Variants in EYS observed in about 807,000 individuals in gnomAD.
EYS encodes the protein EGF-like photoreceptor maintenance factor.
EYS carries 250 observed loss-of-function variants against 282.1 expected under a neutral mutation model. The ratio of observed to expected loss-of-function variants is 0.89; its 90% CI spans 0.80 to 0.98. The LOEUF is 0.98. Ranked by LOEUF, EYS falls within the 50% of genes least tolerant of loss-of-function variation. The probability of loss-of-function intolerance (pLI) is 0.00; values close to 1 mark genes in which losing one functional copy is unlikely to be tolerated. For missense variants in EYS, 4,016 were observed against 3,709.0 expected, an observed-to-expected ratio of 1.08 and a Z score of -2.15; for synonymous variants, 1,355 against 1,282.9, an observed-to-expected ratio of 1.06 and a Z score of -1.20.
At chr6:64,117,733 A>G (rs1365346998) in intron 31 of EYS, among the ~76,000 whole-genome samples, 1 of 151,986 alleles carries the variant, frequency 6.6e-6, no homozygotes, top group Non-Finnish European at 1.5e-5. Context: ...AATAAAGGGT[A>G]TACAAATTGG....
intron 26 of EYS, among the ~76,000 whole-genome samples, chr6:64,582,584 CTTT>C (rs34078680): frequency 4.3e-5 from 6 of 139,614 alleles, no homozygotes; most frequent in Non-Finnish European, 3.1e-5. Context: ...AATCCTTGGT[CTTT>C]TTTTTTTTTT....
At chr6:64,056,796 G>T (rs1562177910) in intron 33 of EYS, among the ~76,000 whole-genome samples, 1 of 152,182 alleles carries the variant, frequency 6.6e-6, no homozygotes, top group Non-Finnish European at 1.5e-5. Flanking sequence ...CAGCCCCTAT[G>T]TAGATCAGCA....
At chr6:65,467,560 G>A in intron 5 of EYS, among the ~76,000 whole-genome samples, 1 of 151,596 alleles carries the variant, frequency 6.6e-6, no homozygotes, top group East Asian at 1.9e-4. Flanking sequence ...ACCCATATGA[G>A]AGAAACTATC....
chr6:64,458,920 G>T (rs1362993457), intron 26 of EYS, among the ~76,000 whole-genome samples: 1 of 152,066 alleles, frequency 6.6e-6, no homozygotes, highest in East Asian at 1.9e-4. Flanking sequence ...TGAACAGACT[G>T]TTCATTATGT....
chr6:64,598,256 C>A (rs937851201), intron 24 of EYS, among the ~76,000 whole-genome samples: 4 of 152,116 alleles, frequency 2.6e-5, no homozygotes, highest in African/African-American at 9.7e-5. Context: ...GTCAGGAGAT[C>A]GAGACCATCC....
intron 22 of EYS, among the ~76,000 whole-genome samples, chr6:64,662,440 A>G (rs1562120078): frequency 6.6e-6 from 1 of 152,152 alleles, no homozygotes; most frequent in Admixed American, 6.6e-5. Context: ...ACTTTTGTCC[A>G]GTAGAGATGC....
chr6:65,244,879 C>CA (rs1767143230), intron 12 of EYS, among the ~76,000 whole-genome samples: 1 of 152,076 alleles, frequency 6.6e-6, no homozygotes. Context: ...AAATACCATC[C>CA]AAAAATGTGT....
intron 24 of EYS, among the ~76,000 whole-genome samples, chr6:64,614,839 C>T (rs910766198): frequency 6.6e-6 from 1 of 152,062 alleles, no homozygotes; most frequent in Non-Finnish European, 1.5e-5. Flanking sequence ...GTTCAAAATA[C>T]CATTTCTACT....
intron 32 of EYS, among the ~76,000 whole-genome samples, chr6:64,074,548 A>G (rs942614975): frequency 6.6e-6 from 1 of 151,626 alleles, no homozygotes; most frequent in Admixed American, 6.6e-5. Context: ...TTCTTCTCTA[A>G]TTGAGCTATT....
chr6:64,441,237 A>G (rs1434940856), intron 26 of EYS, among the ~76,000 whole-genome samples: 1 of 152,198 alleles, frequency 6.6e-6, no homozygotes, highest in Non-Finnish European at 1.5e-5. Context: ...AAGAGGACCA[A>G]TAATTAACAA....
chr6:63,902,492 CTTT>C (rs1364389063), intron 35 of EYS, among the ~76,000 whole-genome samples: 1 of 151,824 alleles, frequency 6.6e-6, no homozygotes, highest in Non-Finnish European at 1.5e-5. Context: ...CTTTAAACTT[CTTT>C]AAGAGAAAAT....
chr6:64,307,311 G>A (rs912191650), intron 29 of EYS, among the ~76,000 whole-genome samples: 1 of 151,906 alleles, frequency 6.6e-6, no homozygotes, highest in African/African-American at 2.4e-5. Context: ...ATGAACATGG[G>A]CAAAATTATA....
intron 12 of EYS, among the ~76,000 whole-genome samples, chr6:65,145,492 G>A (rs145043604): frequency 7.3e-5 from 11 of 151,202 alleles, no homozygotes; most frequent in African/African-American, 2.7e-4. Context: ...TTTAGTCCAG[G>A]TCTGTCAGAC....
chr6:63,743,319 CTGACTTAGGG>C (rs1172001912), intron 41 of EYS, among the ~76,000 whole-genome samples: 1 of 152,162 alleles, frequency 6.6e-6, no homozygotes, highest in African/African-American at 2.4e-5. Flanking sequence ...CAGACAACCT[CTGACTTAGGG>C]TAAGATTTTC....
intron 33 of EYS, among the ~76,000 whole-genome samples, chr6:64,034,705 C>T (rs1308959078): frequency 6.6e-6 from 1 of 152,094 alleles, no homozygotes; most frequent in Non-Finnish European, 1.5e-5. Context: ...GCTATGCTGT[C>T]TTAAAGTTGT....
chr6:64,933,339 T>C (rs751838155), intron 15 of EYS, among the ~76,000 whole-genome samples: 2 of 152,068 alleles, frequency 1.3e-5, no homozygotes, highest in Non-Finnish European at 2.9e-5. Flanking sequence ...GAACAGATAC[T>C]TCTCAAAAGG....
At chr6:64,350,585 C>T (rs1417400752) in intron 29 of EYS, among the ~76,000 whole-genome samples, 2 of 151,570 alleles carry the variant, frequency 1.3e-5, no homozygotes, top group South Asian at 2.1e-4. Context: ...CTATCCCTCT[C>T]AAGTCTCTCG....
intron 37 of EYS, among the ~76,000 whole-genome samples, chr6:63,799,023 T>TAA (rs1770720355): frequency 2.4e-3 from 239 of 100,738 alleles, no homozygotes; most frequent in Middle Eastern, 5.7e-3. Flanking sequence ...ATATATATAA[T>TAA]TTTTTTTTTT....
At chr6:65,702,519 T>C (rs1014275531) in intron 1 of EYS, among the ~76,000 whole-genome samples, 3 of 151,978 alleles carry the variant, frequency 2.0e-5, no homozygotes, top group African/African-American at 7.2e-5. Context: ...CGGTGAAAGC[T>C]TGTCTCTACT....
Sources: allele counts gnomAD v4.1 joint callset (sites outside exome capture counted in the v4.1 genomes callset), GRCh38; gene constraint gnomAD v4.1.1; transcripts MANE v1.5; gene names NCBI Gene and HGNC (gene_info 2026-07-23, HGNC 2026-07-21).